The following USP25 variants were observed in gnomAD, a reference collection of about 807,000 sequenced individuals.
USP25 encodes ubiquitin specific peptidase 25.
A neutral mutation model predicts 158.5 loss-of-function variants in USP25; 85 were observed. The observed-to-expected ratio is 0.54, with a 90% CI of 0.45 to 0.64. The LOEUF (loss-of-function observed/expected upper bound fraction) is 0.64, where lower values mean the gene tolerates loss of function less well. Among genes scored for constraint, USP25 ranks in the 30% least tolerant of loss-of-function variants. The probability of loss-of-function intolerance (pLI) is 0.00; values close to 1 mark genes in which losing one functional copy is unlikely to be tolerated. For missense variants in USP25, 1,242 were observed against 1,327.3 expected, an observed-to-expected ratio of 0.94 and a Z score of 1.00; for synonymous variants, 464 against 460.4, an observed-to-expected ratio of 1.01 and a Z score of -0.10.
At position 15,833,460 on chromosome 21, in the gene USP25, A is replaced by C; in HGVS notation, c.2106A>C (p.Glu702Asp). ...DNQRFEKELE[E>D]WDAQLAQKAL... Reference sequence around the variant, plus strand: ...AACGATTTGAAAAAGAACTAGAAGAATGGGATGCACAACTTGCCCAGAAAG... The same window carrying C: ...AACGATTTGAAAAAGAACTAGAAGACTGGGATGCACAACTTGCCCAGAAAG... Residue 702 changes from glutamate (E) to aspartate (D), a missense_variant, in exon 17 of 26, where the codon GAA becomes GAC. Around this residue, in one of 3 missense-constraint regions of USP25, gnomAD observed 608 missense variants for 605.2 expected, o/e 1.00. Coordinates refer to ENST00000400183, the MANE Select transcript of USP25 (RefSeq NM_001283041.3). The C allele has an allele frequency of 2.5e-6, 4 of 1,614,114 alleles. No individual in the cohort carries two copies. The highest frequency in any genetic ancestry group is 3.4e-6 in the Non-Finnish European group (4 of 1,179,994).
chr21:15,769,859 A>G (rs1317945803), intron 3 of USP25, among the ~76,000 whole-genome samples: 1 of 152,140 alleles, frequency 6.6e-6, no homozygotes, highest in African/African-American at 2.4e-5. Context: ...TGGGTAGGTA[A>G]TTTTAACACA....
intron 16 of USP25, among the ~76,000 whole-genome samples, chr21:15,832,502 ATTG>A (rs1222043302): frequency 2.6e-5 from 4 of 152,148 alleles, no homozygotes; most frequent in African/African-American, 9.7e-5. Context: ...TGAATACTCT[ATTG>A]TTTTTAAGAT....
chr21:15,761,262 G>A (rs976533606), intron 1 of USP25, among the ~76,000 whole-genome samples: 1 of 152,128 alleles, frequency 6.6e-6, no homozygotes, highest in African/African-American at 2.4e-5. Flanking sequence ...GACTGTCAGG[G>A]TTTACACTGT....
At chr21:15,851,370 T>C (rs79951422) in intron 20 of USP25, among the ~76,000 whole-genome samples, 418 of 152,200 alleles carry the variant, frequency 2.7e-3, no homozygotes, top group Non-Finnish European at 4.4e-3. Flanking sequence ...TATCTTTAAA[T>C]AGAATATTTG....
At chr21:15,809,043 T>G (rs777030212) in intron 8 of USP25, among the ~76,000 whole-genome samples, 158 bp downstream of exon 8, 1 of 152,154 alleles carries the variant, frequency 6.6e-6, no homozygotes, top group Non-Finnish European at 1.5e-5. Flanking sequence ...GCACAAATAA[T>G]AGTGTAACCA....
intron 3 of USP25, among the ~76,000 whole-genome samples, chr21:15,776,380 T>G (rs1372322497): frequency 1.3e-5 from 2 of 152,142 alleles, no homozygotes; most frequent in African/African-American, 4.8e-5. Flanking sequence ...CAGGTATTCT[T>G]TCTCATATTT....
chr21:15,792,877 C>T (rs999892312), intron 5 of USP25, among the ~76,000 whole-genome samples: 1 of 151,444 alleles, frequency 6.6e-6, no homozygotes, highest in Admixed American at 6.6e-5. Flanking sequence ...TAAGGAATAC[C>T]TGGATTAACA....
intron 16 of USP25, among the ~76,000 whole-genome samples, chr21:15,832,872 G>T (rs2037875923): frequency 6.6e-6 from 1 of 152,020 alleles, no homozygotes; most frequent in Admixed American, 6.6e-5. Context: ...AAAAAAATTA[G>T]CCGGGCTTGG....
At chr21:15,835,050 T>A (rs181308343) in intron 17 of USP25, among the ~76,000 whole-genome samples, 159 of 152,348 alleles carry the variant, frequency 1.0e-3, no homozygotes, top group African/African-American at 3.7e-3. Flanking sequence ...AAATCACTCC[T>A]CAGAACCTGC....
At chr21:15,749,144 G>A (rs922967140) in intron 1 of USP25, among the ~76,000 whole-genome samples, 14 of 152,010 alleles carry the variant, frequency 9.2e-5, no homozygotes, top group African/African-American at 3.4e-4. Flanking sequence ...AACAATTATA[G>A]CTTACCTATA....
intron 18 of USP25, among the ~76,000 whole-genome samples, 200 bp downstream of exon 18, chr21:15,842,740 T>C (rs149947858): frequency 6.6e-6 from 1 of 152,276 alleles, no homozygotes; most frequent in African/African-American, 2.4e-5. Flanking sequence ...GACACTTTTC[T>C]CTTAAGTTTC....
chr21:15,798,509 A>G (rs1297601005), intron 5 of USP25, among the ~76,000 whole-genome samples: 1 of 151,168 alleles, frequency 6.6e-6, no homozygotes, highest in Non-Finnish European at 1.5e-5. Flanking sequence ...CTGTTAATGT[A>G]TTCATATCCC....
At chr21:15,730,970 T>G (rs1159375161) in intron 1 of USP25, among the ~76,000 whole-genome samples, 7 of 135,788 alleles carry the variant, frequency 5.2e-5, no homozygotes, top group African/African-American at 1.5e-4. Flanking sequence ...CTTCTTCTTC[T>G]TTTCTGTTTT....
intron 1 of USP25, among the ~76,000 whole-genome samples, chr21:15,759,533 C>G (rs1190707653): frequency 1.3e-5 from 2 of 152,108 alleles, no homozygotes; most frequent in Non-Finnish European, 2.9e-5. Flanking sequence ...AGGGTGGCTT[C>G]CAGGTCATCG....
chr21:15,870,938 A>AAT (rs1176773922), intron 23 of USP25, among the ~76,000 whole-genome samples: 1 of 152,228 alleles, frequency 6.6e-6, no homozygotes, highest in Non-Finnish European at 1.5e-5. Context: ...ACAAAACTTA[A>AAT]ATAACTAAAA....
At position 15,777,310 on chromosome 21, in the gene USP25, A is replaced by G. The variant is rs189618354; in HGVS notation, c.269-594A>G. Reference sequence around the variant, plus strand: ...ATTGTATAGAAGTATTTAAATAGAAAGTGAAAGATTCTTATACTTCTTCCT... The same window carrying G: ...ATTGTATAGAAGTATTTAAATAGAAGGTGAAAGATTCTTATACTTCTTCCT... On this transcript the variant is annotated intron_variant, in intron 3 of 25. Transcript: ENST00000400183. Among the ~76,000 whole-genome samples, 3 of 152,318 alleles carry G rather than the reference A, an allele frequency of 2.0e-5. No homozygotes were observed. The East Asian group carries it at 5.8e-4, about 29-fold the overall frequency.
At chr21:15,861,752 G>A (rs190410452) in intron 20 of USP25, among the ~76,000 whole-genome samples, 109 of 152,104 alleles carry the variant, frequency 7.2e-4, no homozygotes, top group Middle Eastern at 6.8e-3. Context: ...AATTTAGAAG[G>A]TAATTTCTTA....
chr21:15,824,333 G>C (rs2037381925), intron 11 of USP25, among the ~76,000 whole-genome samples, 167 bp downstream of exon 11: 1 of 152,042 alleles, frequency 6.6e-6, no homozygotes, highest in Non-Finnish European at 1.5e-5. Context: ...TATTAGAAAA[G>C]TATAGTTTTT....
At chr21:15,743,234 T>C (rs1397951027) in intron 1 of USP25, among the ~76,000 whole-genome samples, 1 of 152,188 alleles carries the variant, frequency 6.6e-6, no homozygotes, top group African/African-American at 2.4e-5. Context: ...TTCCAGCAAT[T>C]GGGAGTGTGT....
Sources: gnomAD v4.1 joint callset for allele counts (sites outside exome capture counted in the v4.1 genomes callset) on GRCh38, gnomAD v4.1.1 for gene constraint, gnomAD v4.1.1 regional missense constraint, MANE v1.5 for transcripts, NCBI Gene and HGNC (gene_info 2026-07-23, HGNC 2026-07-21) for gene names.